The following MAPKAP1 variants were observed in gnomAD, a reference collection of about 807,000 sequenced individuals.
The protein encoded by MAPKAP1 is MAPK associated protein 1, also known as target of rapamycin complex 2 subunit MAPKAP1.
In MAPKAP1, 20 loss-of-function variants were observed where a neutral mutation model predicts 65.7. The observed-to-expected ratio is 0.30, with a 90% CI of 0.21 to 0.44. MAPKAP1 has a LOEUF of 0.44. Among genes scored for constraint, MAPKAP1 ranks in the 20% least tolerant of loss-of-function variants. The pLI is 1.00. For missense variants in MAPKAP1, 423 were observed against 648.0 expected (o/e 0.65, Z 3.77); for synonymous variants, 222 against 244.3 (o/e 0.91, Z 0.85).
rs1244164568 is a variant in MAPKAP1, at chr9:125,596,012, T to G, written c.499-10285A>C. 6.6e-6 allele frequency: 10 copies of G among 1,508,430 alleles called. No individual in the cohort carries two copies. The Admixed American group carries it at 1.3e-4, about 20-fold the overall frequency. The allele number at this position is 1,508,430 out of a possible 1,614,324, so 93.4% of individuals were successfully genotyped here. On this transcript the variant is annotated intron_variant, in intron 4 of 11. Transcript: ENST00000265960. ...TTGTTGGTGGCATTAAAGAAGACACTGAAGAACATCACCTGCGAGATTATT... is the reference window on the plus strand; with the variant it reads ...TTGTTGGTGGCATTAAAGAAGACACGGAAGAACATCACCTGCGAGATTATT...
chr9:125,507,122 A>G (rs1410216588), intron 7 of MAPKAP1, among the ~76,000 whole-genome samples: 1 of 152,256 alleles, frequency 6.6e-6, no homozygotes, highest in Non-Finnish European at 1.5e-5. Flanking sequence ...TAGTACTGGA[A>G]GCCAGGAATA....
intron 7 of MAPKAP1, among the ~76,000 whole-genome samples, chr9:125,513,665 T>C (rs1351382147): frequency 6.6e-6 from 1 of 152,182 alleles, no homozygotes; most frequent in South Asian, 2.1e-4. Flanking sequence ...GCTCGGTCAA[T>C]GAGAGCTGCT....
intron 4 of MAPKAP1, chr9:125,596,451 T>C: frequency 2.6e-6 from 2 of 762,822 alleles, no homozygotes; most frequent in South Asian, 2.7e-5. Context: ...GCTACAATGA[T>C]TCTGGCAATT....
At chr9:125,617,097 A>G (rs994961080) in intron 4 of MAPKAP1, among the ~76,000 whole-genome samples, 7 of 152,204 alleles carry the variant, frequency 4.6e-5, no homozygotes, top group African/African-American at 1.7e-4. Context: ...TCATTCCACA[A>G]TGTATGCATA....
At chr9:125,619,046 T>C (rs1012163772) in intron 4 of MAPKAP1, among the ~76,000 whole-genome samples, 5 of 152,146 alleles carry the variant, frequency 3.3e-5, no homozygotes, top group African/African-American at 9.7e-5. Context: ...GGTGGGAAGA[T>C]TGTTTGAGCC....
chr9:125,674,517 A>C (rs749728780), intron 1 of MAPKAP1, among the ~76,000 whole-genome samples: 29 of 152,368 alleles, frequency 1.9e-4, no homozygotes, highest in Non-Finnish European at 2.9e-4. Context: ...ACTTACTTTC[A>C]GAAGGACTTA....
At chr9:125,617,204 T>C (rs1019253704) in intron 4 of MAPKAP1, among the ~76,000 whole-genome samples, 1 of 152,230 alleles carries the variant, frequency 6.6e-6, no homozygotes, top group African/African-American at 2.4e-5. Flanking sequence ...CACATGCCTG[T>C]AATCTCAGAA....
At chr9:125,443,506 C>G (rs1852572502) in intron 11 of MAPKAP1, among the ~76,000 whole-genome samples, 1 of 152,188 alleles carries the variant, frequency 6.6e-6, no homozygotes, top group South Asian at 2.1e-4. Context: ...TCCAGGGCTA[C>G]TCAGAGTGTG....
intron 6 of MAPKAP1, among the ~76,000 whole-genome samples, chr9:125,555,982 GATCT>G (rs1830724299): frequency 1.3e-5 from 2 of 152,192 alleles, no homozygotes; most frequent in African/African-American, 4.8e-5. Context: ...ACGTGTGACA[GATCT>G]ATCACAGTAA....
At chr9:125,579,014 C>T (rs188376850) in intron 5 of MAPKAP1, among the ~76,000 whole-genome samples, 3 of 152,308 alleles carry the variant, frequency 2.0e-5, no homozygotes, top group Admixed American at 1.3e-4. Flanking sequence ...TCCACATTTT[C>T]TGATCAAAAT....
intron 1 of MAPKAP1, among the ~76,000 whole-genome samples, chr9:125,693,846 T>TACACACACACACACACACACAC (rs1554844769): frequency 1.6e-4 from 22 of 135,442 alleles, no homozygotes; most frequent in African/African-American, 6.0e-4. Context: ...TATACACACA[T>TACACACACACACACACACACAC]ACACACACAC....
At chr9:125,565,067 T>C (rs1019956948) in intron 5 of MAPKAP1, among the ~76,000 whole-genome samples, 4 of 152,050 alleles carry the variant, frequency 2.6e-5, no homozygotes, top group African/African-American at 9.7e-5. Context: ...GAGAGGTGGG[T>C]GTGGGGGTGT....
intron 4 of MAPKAP1, among the ~76,000 whole-genome samples, chr9:125,627,977 G>A (rs1026266319): frequency 6.6e-6 from 1 of 152,116 alleles, no homozygotes; most frequent in African/African-American, 2.4e-5. Context: ...CGACAAAGGC[G>A]GCCACTTCAT....
intron 4 of MAPKAP1, among the ~76,000 whole-genome samples, chr9:125,613,801 CT>C (rs550073547): frequency 3.4e-3 from 483 of 143,698 alleles, no homozygotes; most frequent in Non-Finnish European, 2.9e-3. Flanking sequence ...AGAGCAATTT[CT>C]TTTTTTTTTT....
chr9:125,447,342 CAG>C lies in MAPKAP1; in HGVS notation c.1346-2746_1346-2745del, dbSNP rs1293063815. 4.4e-6 allele frequency: 2 copies of C among 454,290 alleles called. No individual in the cohort carries two copies. Among genetic ancestry groups the C allele is most frequent in the Non-Finnish European group, 8.9e-6 (2 of 225,636 alleles). The allele number at this position is 454,290 out of a possible 1,614,324, so 28.1% of individuals were successfully genotyped here. ...GCACTCACGCCATAGGAGAGGGGAA[CAG>C]AGGGCAGAGAACGTTCTGTGGAGCA... is the stretch of plus-strand genomic sequence containing the variant. On this transcript the variant is annotated intron_variant, in intron 10 of 11. Coordinates refer to ENST00000265960, the MANE Select transcript of MAPKAP1 (RefSeq NM_001006617.3). The surrounding 1 kb of genome is among the most constrained non-coding windows in gnomAD (Gnocchi z 4.5).
intron 1 of MAPKAP1, among the ~76,000 whole-genome samples, chr9:125,697,538 T>C (rs897237235): frequency 4.6e-5 from 7 of 152,206 alleles, no homozygotes; most frequent in African/African-American, 1.7e-4. Context: ...TTCTGAAACA[T>C]CTAAGATGAC....
intron 4 of MAPKAP1, among the ~76,000 whole-genome samples, chr9:125,624,965 T>C (rs1308196479): frequency 7.7e-3 from 528 of 68,372 alleles, no homozygotes; most frequent in East Asian, 0.011. Flanking sequence ...CTCTGAAACA[T>C]GTGCTGTGTC....
At chr9:125,649,939 C>G (rs1481781149) in intron 4 of MAPKAP1, among the ~76,000 whole-genome samples, 1 of 152,100 alleles carries the variant, frequency 6.6e-6, no homozygotes, top group Non-Finnish European at 1.5e-5. Flanking sequence ...AAATTATGGC[C>G]TCGTTCTTTG....
At chr9:125,587,308 G>A (rs1211344083) in intron 4 of MAPKAP1, among the ~76,000 whole-genome samples, 1 of 152,176 alleles carries the variant, frequency 6.6e-6, no homozygotes, top group Non-Finnish European at 1.5e-5. Flanking sequence ...GCTCATGCCT[G>A]TAATCCCAGT....
Sources: allele counts gnomAD v4.1 joint callset (sites outside exome capture counted in the v4.1 genomes callset), GRCh38; gene constraint gnomAD v4.1.1; non-coding constraint Gnocchi (gnomAD v3.1); transcripts MANE v1.5; gene names NCBI Gene and HGNC (gene_info 2026-07-23, HGNC 2026-07-21).